TBC1D15: variants seen among roughly 807,000 people sequenced by gnomAD.
The protein encoded by TBC1D15 is GAP for RAB7.
TBC1D15 carries 39 observed loss-of-function variants against 95.4 expected under a neutral mutation model. The ratio of observed to expected loss-of-function variants is 0.41; its 90% CI spans 0.32 to 0.53. The LOEUF (loss-of-function observed/expected upper bound fraction) is 0.53, where lower values mean the gene tolerates loss of function less well. TBC1D15 is among the 20% of genes least tolerant of loss of function. TBC1D15 has a pLI of 0.29. For missense variants in TBC1D15, 733 were observed against 794.3 expected (o/e 0.92, Z 0.93); for synonymous variants, 258 against 261.3 (o/e 0.99, Z 0.12).
At chr12:71,903,005 C>T (rs1357023612) in intron 10 of TBC1D15, among the ~76,000 whole-genome samples, 10 of 152,160 alleles carry the variant, frequency 6.6e-5, no homozygotes, top group Non-Finnish European at 8.8e-5. Flanking sequence ...CCCTGCCTCC[C>T]GGGTTCAAGC....
At chr12:71,902,290 A>G (rs766401893) in intron 10 of TBC1D15, among the ~76,000 whole-genome samples, 2 of 152,230 alleles carry the variant, frequency 1.3e-5, no homozygotes, top group African/African-American at 2.4e-5. Context: ...TGCAAAATGA[A>G]GAAAGTTGGA....
intron 1 of TBC1D15, among the ~76,000 whole-genome samples, chr12:71,855,018 G>C (rs1888704103): frequency 6.6e-6 from 1 of 152,126 alleles, no homozygotes; most frequent in African/African-American, 2.4e-5. Context: ...TTTTATAAAG[G>C]AAAGAGGTTT....
At chr12:71,919,201 CTT>C (rs34109729) in intron 14 of TBC1D15, among the ~76,000 whole-genome samples, 402 of 131,406 alleles carry the variant, frequency 3.1e-3, no homozygotes, top group Admixed American at 3.9e-3. Context: ...AATCAGTGTG[CTT>C]TTTTTTTTTT....
chr12:71,891,784 G>A (rs947910683), intron 5 of TBC1D15, among the ~76,000 whole-genome samples: 14 of 151,998 alleles, frequency 9.2e-5, no homozygotes, highest in Non-Finnish European at 1.9e-4. Context: ...TTTCATCTTC[G>A]GATCTCCAGT....
intron 1 of TBC1D15, among the ~76,000 whole-genome samples, chr12:71,861,060 T>A (rs1890262045): frequency 6.6e-6 from 1 of 152,226 alleles, no homozygotes; most frequent in African/African-American, 2.4e-5. Context: ...AAATTGTGTT[T>A]GATCATGGTC....
chr12:71,912,551 A>T (rs1398543376), intron 11 of TBC1D15, among the ~76,000 whole-genome samples: 16 of 152,050 alleles, frequency 1.1e-4, no homozygotes, highest in African/African-American at 3.1e-4. Context: ...GTTTGATCTG[A>T]GTTTTCTCAA....
intron 1 of TBC1D15, among the ~76,000 whole-genome samples, chr12:71,856,317 G>A (rs140086485): frequency 1.9e-3 from 290 of 152,194 alleles, no homozygotes; most frequent in African/African-American, 5.1e-3. Context: ...AGGCTATTCC[G>A]TTTTTACATA....
At chr12:71,871,527 G>T (rs535813989) in intron 1 of TBC1D15, among the ~76,000 whole-genome samples, 1 of 152,186 alleles carries the variant, frequency 6.6e-6, no homozygotes, top group Non-Finnish European at 1.5e-5. Flanking sequence ...ATTTTCAAGT[G>T]CATTTTCAAT....
rs1341412411 is a variant in TBC1D15 at position 71,907,101 on chromosome 12, C to T, written c.1263C>T (p.Asp421=). 4 of 1,610,098 alleles carry T rather than the reference C, an allele frequency of 2.5e-6. No individual in the cohort carries two copies. The highest frequency in any genetic ancestry group is 1.7e-6 in the Non-Finnish European group (2 of 1,177,640). ...ATCCAGGGTTGATTTTACTTCATGA[C>T]ATTTTGATGACCTACTGTATGTATG... ...QDNPGLILLH[D]ILMTYCMYDF... is the part of the protein sequence containing the mutation. Residue 421 remains aspartate, a synonymous_variant, in exon 11 of 17, where the codon GAC becomes GAT. Transcript: ENST00000485960.
intron 12 of TBC1D15, among the ~76,000 whole-genome samples, chr12:71,916,038 A>T (rs1222938448): frequency 6.6e-6 from 1 of 152,132 alleles, no homozygotes; most frequent in African/African-American, 2.4e-5. Flanking sequence ...CATCTAATGT[A>T]GGTCTAGGCA....
At chr12:71,844,450 C>T (rs1885825751) in intron 1 of TBC1D15, among the ~76,000 whole-genome samples, 1 of 152,186 alleles carries the variant, frequency 6.6e-6, no homozygotes, top group Non-Finnish European at 1.5e-5. Flanking sequence ...AACATATATC[C>T]TCTGCTTCCC....
chr12:71,920,580 C>T, intron 14 of TBC1D15, 151 bp from the exon 15 acceptor site: 1 of 673,936 alleles, frequency 1.5e-6, no homozygotes, highest in Non-Finnish European at 2.6e-6. Flanking sequence ...GACTCTCCTT[C>T]CCCTCATTTC....
intron 4 of TBC1D15, among the ~76,000 whole-genome samples, chr12:71,884,122 A>G (rs182570882): frequency 9.3e-4 from 141 of 152,266 alleles, no homozygotes; most frequent in Middle Eastern, 3.4e-3. Flanking sequence ...ATTCCTTGCT[A>G]TACTTTGTTT....
At chr12:71,900,650 A>G (rs1899175742) in intron 10 of TBC1D15, among the ~76,000 whole-genome samples, 1 of 152,182 alleles carries the variant, frequency 6.6e-6, no homozygotes, top group South Asian at 2.1e-4. Flanking sequence ...TCACTGCACA[A>G]AACAGGCAAA....
chr12:71,877,863 T>G (rs1894294506), intron 3 of TBC1D15, among the ~76,000 whole-genome samples: 1 of 152,216 alleles, frequency 6.6e-6, no homozygotes, highest in Non-Finnish European at 1.5e-5. Flanking sequence ...TCATTTGAAC[T>G]CTGTTTTCTG....
chr12:71,865,181 T>C (rs1319729888), intron 1 of TBC1D15, among the ~76,000 whole-genome samples: 1 of 152,208 alleles, frequency 6.6e-6, no homozygotes, highest in African/African-American at 2.4e-5. Flanking sequence ...TATTTTGTCA[T>C]CTGGGTCTTG....
At chr12:71,872,718 AC>A (rs752740558) in intron 2 of TBC1D15, among the ~76,000 whole-genome samples, 6 of 152,210 alleles carry the variant, frequency 3.9e-5, no homozygotes, top group Non-Finnish European at 5.9e-5. Context: ...TCTAAAACTT[AC>A]GTAGAAGTTG....
chr12:71,855,935 G>GT (rs71889449), intron 1 of TBC1D15, among the ~76,000 whole-genome samples: 5 of 148,968 alleles, frequency 3.4e-5, no homozygotes, highest in South Asian at 2.1e-4. Context: ...ATTGTATGTG[G>GT]TTTTTTTTGG....
At chr12:71,840,758 A>G (rs1046428755) in intron 1 of TBC1D15, among the ~76,000 whole-genome samples, 4 of 152,028 alleles carry the variant, frequency 2.6e-5, no homozygotes, top group African/African-American at 9.7e-5. Context: ...TCCCTACCCC[A>G]TTTTGAATTA....
Sources: gnomAD v4.1 joint callset for allele counts (sites outside exome capture counted in the v4.1 genomes callset) on GRCh38, gnomAD v4.1.1 for gene constraint, MANE v1.5 for transcripts, NCBI Gene and HGNC (gene_info 2026-07-23, HGNC 2026-07-21) for gene names.